The following PPARGC1A variants were observed in gnomAD, a reference collection of about 807,000 sequenced individuals.
PPARGC1A encodes the protein peroxisome proliferator-activated receptor gamma coactivator 1-alpha.
A neutral mutation model predicts 88.7 loss-of-function variants in PPARGC1A; 25 were observed. That is an observed-to-expected ratio of 0.28 (90% confidence interval 0.21 to 0.39). The LOEUF is 0.39. Ranked by LOEUF, PPARGC1A falls within the 10% of genes least tolerant of loss-of-function variation. The pLI is 1.00. For synonymous variants in PPARGC1A, 363 were observed against 355.6 expected, an observed-to-expected ratio of 1.02 and a Z score of -0.24; for missense variants, 880 against 968.7, an observed-to-expected ratio of 0.91 and a Z score of 1.22.
Position 23,798,802 on chromosome 4 carries a change from C to A in PPARGC1A, c.2294-2877G>T, listed in dbSNP as rs1191103415. 2.6e-5 allele frequency among the ~76,000 whole-genome samples: 4 copies of A among 152,192 alleles called. No homozygotes were observed. The East Asian group carries it at 7.7e-4, about 29-fold the overall frequency. On this transcript the variant is annotated intron_variant, in intron 12 of 12. Transcript: ENST00000264867. ...AGACACACAGACTACTGATTCATGG[C>A]AACTAGAACTTAAATCTGGGCTTCA...
chr4:24,016,875 C>T, the PPARGC1A span, among the ~76,000 whole-genome samples: 2 of 152,240 alleles, frequency 1.3e-5, no homozygotes, highest in African/African-American at 4.8e-5. Flanking sequence ...TAGCAATTCT[C>T]GTATTAACAT....
chr4:24,339,667 A>G, the PPARGC1A span, among the ~76,000 whole-genome samples: 3 of 152,134 alleles, frequency 2.0e-5, no homozygotes, highest in African/African-American at 7.2e-5. Flanking sequence ...GCTCAAAGTC[A>G]CCTTCTCTGA....
At chr4:24,076,919 A>C in the PPARGC1A span, among the ~76,000 whole-genome samples, 3 of 152,082 alleles carry the variant, frequency 2.0e-5, no homozygotes, top group Admixed American at 6.6e-5. Flanking sequence ...CCGCTGAACT[A>C]TGGAGTGTGT....
At chr4:24,472,283 C>G in the PPARGC1A span, among the ~76,000 whole-genome samples, 1 of 151,942 alleles carries the variant, frequency 6.6e-6, no homozygotes, top group Admixed American at 6.5e-5. This position sits in a 1 kb window ranked among gnomAD's most constrained non-coding sequence, Gnocchi z 4.5. Context: ...TCCCCACCCC[C>G]TCCCGAGCCT....
the PPARGC1A span, among the ~76,000 whole-genome samples, chr4:24,002,068 T>TCACACA: frequency 0.096 from 11,684 of 121,362 alleles, 549 homozygotes; most frequent in East Asian, 0.17. Flanking sequence ...GATGATAAAT[T>TCACACA]CACACACACA....
the PPARGC1A span, among the ~76,000 whole-genome samples, chr4:23,924,665 G>A: frequency 2.0e-5 from 3 of 152,076 alleles, no homozygotes; most frequent in Admixed American, 6.6e-5. Context: ...AGGTGTCCAG[G>A]CAGAAGGATC....
At chr4:23,874,075 G>A (rs1714169890) in intron 2 of PPARGC1A, among the ~76,000 whole-genome samples, 1 of 150,746 alleles carries the variant, frequency 6.6e-6, no homozygotes. Flanking sequence ...AACAATTCTG[G>A]GGGAAAAAAT....
the PPARGC1A span, among the ~76,000 whole-genome samples, chr4:24,117,000 A>G: frequency 1.3e-5 from 2 of 150,802 alleles, no homozygotes; most frequent in East Asian, 3.9e-4. Context: ...CAACAACCAC[A>G]ACAACAACAA....
the PPARGC1A span, among the ~76,000 whole-genome samples, chr4:24,302,594 G>C: frequency 6.6e-6 from 1 of 152,200 alleles, no homozygotes; most frequent in Non-Finnish European, 1.5e-5. Flanking sequence ...CACTGTTGAA[G>C]GCCTTTCAGG....
At chr4:24,264,471 T>C in the PPARGC1A span, among the ~76,000 whole-genome samples, 1 of 152,248 alleles carries the variant, frequency 6.6e-6, no homozygotes, top group Non-Finnish European at 1.5e-5. Context: ...CTGAAGGGCA[T>C]GAGCTTTGGA....
intron 1 of PPARGC1A, among the ~76,000 whole-genome samples, chr4:23,887,657 T>A (rs1371534215): frequency 6.6e-6 from 1 of 152,216 alleles, no homozygotes; most frequent in Non-Finnish European, 1.5e-5. Flanking sequence ...GACAATAAAT[T>A]AGCTTAACTG....
the PPARGC1A span, among the ~76,000 whole-genome samples, chr4:23,930,385 T>C: frequency 6.6e-6 from 1 of 152,086 alleles, no homozygotes; most frequent in Non-Finnish European, 1.5e-5. Flanking sequence ...TTGTGGGGAG[T>C]AACGCCTTCT....
At chr4:24,339,719 C>T in the PPARGC1A span, among the ~76,000 whole-genome samples, 2 of 152,096 alleles carry the variant, frequency 1.3e-5, no homozygotes, top group South Asian at 4.1e-4. Context: ...ATTTGGCAAG[C>T]CCTGTTTTAG....
At chr4:23,953,856 C>T in the PPARGC1A span, among the ~76,000 whole-genome samples, 1 of 151,972 alleles carries the variant, frequency 6.6e-6, no homozygotes, top group Admixed American at 6.6e-5. Context: ...ATGTGGAAAA[C>T]AATAGTATTC....
chr4:23,969,019 T>C, the PPARGC1A span, among the ~76,000 whole-genome samples: 27 of 152,198 alleles, frequency 1.8e-4, no homozygotes, highest in Non-Finnish European at 1.6e-4. Flanking sequence ...GAGAGTGTTA[T>C]GGAGGCCTGC....
At chr4:24,013,949 C>T in the PPARGC1A span, among the ~76,000 whole-genome samples, 742 of 152,204 alleles carry the variant, frequency 4.9e-3, 5 homozygotes, top group African/African-American at 0.017. Flanking sequence ...GAAGTCTGAA[C>T]AGGAAAGAGC....
chr4:23,840,641 C>T (rs1241380524), intron 2 of PPARGC1A, among the ~76,000 whole-genome samples: 1 of 152,058 alleles, frequency 6.6e-6, no homozygotes, highest in Non-Finnish European at 1.5e-5. Context: ...TCTTCATGAA[C>T]TATCTAAAAG....
At chr4:24,386,326 C>T in the PPARGC1A span, among the ~76,000 whole-genome samples, 6 of 152,038 alleles carry the variant, frequency 3.9e-5, no homozygotes, top group Non-Finnish European at 5.9e-5. Context: ...CTTTGAAAAC[C>T]GGCACAAGAC....
At chr4:23,864,551 C>T (rs1357979010) in intron 2 of PPARGC1A, among the ~76,000 whole-genome samples, 3 of 152,100 alleles carry the variant, frequency 2.0e-5, no homozygotes, top group African/African-American at 7.2e-5. Context: ...ACTGAGGGTT[C>T]AAAGGAAATG....
Sources: gnomAD v4.1 joint callset for allele counts (sites outside exome capture counted in the v4.1 genomes callset) on GRCh38, gnomAD v4.1.1 for gene constraint, Gnocchi (gnomAD v3.1) non-coding constraint, MANE v1.5 for transcripts, NCBI Gene and HGNC (gene_info 2026-07-23, HGNC 2026-07-21) for gene names.